The following DLGAP2 variants were observed in gnomAD, a reference collection of about 807,000 sequenced individuals.
DLGAP2 encodes the protein DLG associated protein 2, also known as disks large-associated protein 2.
Under a neutral mutation model 100.3 loss-of-function variants are expected in DLGAP2, and 26 were observed. That is an observed-to-expected ratio of 0.26 (90% CI 0.19 to 0.36). The LOEUF is 0.36. DLGAP2 is among the 10% of genes least tolerant of loss of function. The pLI is 1.00. For synonymous variants in DLGAP2, 886 were observed against 630.1 expected, an observed-to-expected ratio of 1.41 and a Z score of -6.08; for missense variants, 1,858 against 1,453.2, an observed-to-expected ratio of 1.28 and a Z score of -4.53.
At chr8:1,657,240 T>G (rs1425815313) in intron 8 of DLGAP2, among the ~76,000 whole-genome samples, 1 of 152,238 alleles carries the variant, frequency 6.6e-6, no homozygotes, top group Non-Finnish European at 1.5e-5. Context: ...CTGTCTTGAT[T>G]CATCTTCTTT....
chr8:1,485,870 A>C (rs1474358887), intron 3 of DLGAP2, among the ~76,000 whole-genome samples: 1 of 152,102 alleles, frequency 6.6e-6, no homozygotes, highest in Non-Finnish European at 1.5e-5. Context: ...ACTAAAATAC[A>C]AAAATTAGCT....
At chr8:1,540,425 A>G (rs1166700882) in intron 4 of DLGAP2, among the ~76,000 whole-genome samples, 1 of 152,222 alleles carries the variant, frequency 6.6e-6, no homozygotes, top group Non-Finnish European at 1.5e-5. Context: ...GGGTTGAGTC[A>G]TTAATGAAAG....
intron 4 of DLGAP2, among the ~76,000 whole-genome samples, chr8:1,520,466 G>C (rs888552192): frequency 6.6e-6 from 1 of 152,142 alleles, no homozygotes; most frequent in Non-Finnish European, 1.5e-5. Context: ...TCACGTCAGG[G>C]GTCACGCTTG....
intron 3 of DLGAP2, among the ~76,000 whole-genome samples, chr8:1,359,703 G>T (rs1208154504): frequency 6.6e-6 from 1 of 152,248 alleles, no homozygotes; most frequent in Non-Finnish European, 1.5e-5. Context: ...GCTGGCCTCA[G>T]CTCTTATAAA....
At chr8:1,491,349 C>CGGGCCGCTCCCCCTGACCCCAGAGGCTTT (rs1799380268) in intron 3 of DLGAP2, among the ~76,000 whole-genome samples, 1 of 152,202 alleles carries the variant, frequency 6.6e-6, no homozygotes, top group Admixed American at 6.5e-5. Context: ...CCGGAGGCTT[C>CGGGCCGCTCCCCCTGACCCCAGAGGCTTT]GGGCCGCTCC....
chr8:1,490,885 G>C, intron 3 of DLGAP2, among the ~76,000 whole-genome samples: 1 of 150,734 alleles, frequency 6.6e-6, no homozygotes. Context: ...GGGGTGGGGG[G>C]ACGGGGGAGG....
intron 5 of DLGAP2, 166 bp from the exon 6 acceptor site, chr8:1,565,517 C>A: frequency 1.7e-6 from 1 of 584,844 alleles, no homozygotes; most frequent in South Asian, 2.7e-5. Flanking sequence ...TTTTTATATT[C>A]ATTTCCTTTT....
intron 1 of DLGAP2, 132 bp from the exon 2 acceptor site, chr8:907,780 G>C (rs1470541026): frequency 2.5e-6 from 1 of 392,766 alleles, no homozygotes; most frequent in South Asian, 1.4e-4. Flanking sequence ...TAATTTGTTA[G>C]GCCTTTCTGG....
intron 2 of DLGAP2, among the ~76,000 whole-genome samples, chr8:1,117,320 C>A (rs11136348): frequency 0.29 from 44,216 of 152,158 alleles, 6,614 homozygotes; most frequent in Admixed American, 0.33. Context: ...AGGTGCCACA[C>A]TGGGGACGCC....
rs1563062349 is a variant in DLGAP2, at chr8:1,287,503, T to TGTGGG, written c.106+28620_106+28621insGTGGG. On this transcript the variant is annotated intron_variant, in intron 3 of 14. Coordinates refer to ENST00000637795, the MANE Select transcript of DLGAP2 (RefSeq NM_001346810.2). ...GTGTGTGTGTGTGTGTGTGGTTCTGTTAGGAGGGGAACTAGTTTTGGTTCA... is the reference window on the plus strand; with the variant it reads ...GTGTGTGTGTGTGTGTGTGGTTCTGTGTGGGTAGGAGGGGAACTAGTTTTGGTTCA... 1.2e-4 allele frequency among the ~76,000 whole-genome samples: 10 copies of TGTGGG among 80,180 alleles called. 1 individual carries two copies. Among genetic ancestry groups the TGTGGG allele is most frequent in the Non-Finnish European group, 1.6e-4 (7 of 42,830 alleles). The allele number at this position is 80,180 out of a possible 152,430, so 52.6% of individuals were successfully genotyped here. A position where few individuals can be genotyped will look rare whatever the true frequency, so the allele number is the denominator to read the frequency against.
chr8:1,025,342 T>C (rs966110996), intron 2 of DLGAP2, among the ~76,000 whole-genome samples: 9 of 152,196 alleles, frequency 5.9e-5, no homozygotes, highest in African/African-American at 1.9e-4. Context: ...GGCTGTTCTC[T>C]TGGTCTCTGT....
intron 3 of DLGAP2, among the ~76,000 whole-genome samples, chr8:1,335,635 CGTATGA>C (rs1283148539): frequency 6.6e-6 from 1 of 152,052 alleles, no homozygotes; most frequent in Non-Finnish European, 1.5e-5. Flanking sequence ...CTGGTCATGA[CGTATGA>C]GTAGGAGTTT....
chr8:1,323,637 C>G (rs1800957414), intron 3 of DLGAP2, among the ~76,000 whole-genome samples: 1 of 152,210 alleles, frequency 6.6e-6, no homozygotes, highest in Non-Finnish European at 1.5e-5. Context: ...CAGCAATGCC[C>G]CAATGCCCTG....
rs150616448 is a variant in DLGAP2, at chr8:1,520,881, G to T, written c.172+19450G>T. 8.3e-4 allele frequency among the ~76,000 whole-genome samples: 127 copies of T among 152,314 alleles called. 1 individual carries two copies. Among genetic ancestry groups the T allele is most frequent in the African/African-American group, 3.0e-3 (125 of 41,568 alleles). On this transcript the variant is annotated intron_variant, in intron 4 of 14. Transcript: ENST00000637795. The stretch of plus-strand genomic sequence containing the variant: ...CTTCTTTGGGTGAATACCTGGGGGC[G>T]TGATTGCTGGACTGCATGGTGAGTG...
chr8:1,415,611 C>T (rs1248348427), intron 3 of DLGAP2, among the ~76,000 whole-genome samples: 2 of 152,216 alleles, frequency 1.3e-5, no homozygotes, highest in Non-Finnish European at 2.9e-5. Flanking sequence ...AGGCCCCCAC[C>T]TGCATCCGTG....
chr8:1,411,384 A>T (rs1396004455), intron 3 of DLGAP2, among the ~76,000 whole-genome samples: 1 of 152,256 alleles, frequency 6.6e-6, no homozygotes, highest in African/African-American at 2.4e-5. Context: ...GGGTTTCCAC[A>T]TAAAAGAGCA....
At chr8:855,277 C>T (rs1370823616) in intron 1 of DLGAP2, among the ~76,000 whole-genome samples, 2 of 152,184 alleles carry the variant, frequency 1.3e-5, no homozygotes, top group Non-Finnish European at 2.9e-5. Flanking sequence ...TTCCCATGGG[C>T]ACTTTCAGCA....
At chr8:814,713 C>T (rs946017123) in intron 1 of DLGAP2, among the ~76,000 whole-genome samples, 7 of 151,134 alleles carry the variant, frequency 4.6e-5, no homozygotes, top group African/African-American at 1.2e-4. Context: ...ATTAGCTGGG[C>T]GTGGTGGCAG....
intron 2 of DLGAP2, among the ~76,000 whole-genome samples, chr8:1,142,540 A>G (rs918977881): frequency 6.6e-6 from 1 of 152,222 alleles, no homozygotes; most frequent in Non-Finnish European, 1.5e-5. Context: ...CCATAAGAAG[A>G]TAAAACATGG....
Sources: allele counts gnomAD v4.1 joint callset (sites outside exome capture counted in the v4.1 genomes callset), GRCh38; gene constraint gnomAD v4.1.1; transcripts MANE v1.5; gene names NCBI Gene and HGNC (gene_info 2026-07-23, HGNC 2026-07-21).